The following LCTL variants were observed in gnomAD, a reference collection of about 807,000 sequenced individuals.
LCTL encodes the protein lactase like.
LCTL carries 76 observed loss-of-function variants against 75.8 expected under a neutral mutation model. The observed-to-expected ratio is 1.00, with a 90% CI of 0.83 to 1.21. The LOEUF is 1.21. Ranked by LOEUF, LCTL falls within the 50% of genes most tolerant of loss-of-function variation. The pLI, the probability that LCTL is intolerant of heterozygous loss-of-function variation, is 0.00. For missense variants in LCTL, 670 were observed against 712.4 expected (o/e 0.94, Z 0.68); for synonymous variants, 271 against 268.8 (o/e 1.01, Z -0.08).
At chr15:66,557,198 A>G (rs752789667) in intron 8 of LCTL, among the ~76,000 whole-genome samples, 21 of 152,144 alleles carry the variant, frequency 1.4e-4, no homozygotes, top group Non-Finnish European at 8.8e-5. Context: ...CTCAGGTGAG[A>G]TGATAAATTC....
intron 11 of LCTL, among the ~76,000 whole-genome samples, chr15:66,550,749 G>T (rs913853508): frequency 3.9e-5 from 6 of 152,046 alleles, no homozygotes; most frequent in African/African-American, 1.4e-4. Flanking sequence ...AAGGTGCTGG[G>T]GTTACAGGCA....
chr15:66,564,756 C>A (rs202220021), exon 2 of LCTL: 1 of 1,613,832 alleles, frequency 6.2e-7, no homozygotes, highest in South Asian at 1.1e-5. Context: ...TGTGTGAAGA[C>A]GTCCCAGATG....
chr15:66,552,181 T>C lies in LCTL; in HGVS notation c.1198-12A>G. 1.9e-6 allele frequency: 3 copies of C among 1,600,960 alleles called. No individual in the cohort carries two copies. The highest frequency in any genetic ancestry group is 8.5e-7 in the Non-Finnish European group (1 of 1,176,580). Reference sequence around the variant, plus strand: ...TCACCGTATTGAGTCTGAAAGTGAGTCATAGCAACAAATATCTTAAAAATT... The same window carrying C: ...TCACCGTATTGAGTCTGAAAGTGAGCCATAGCAACAAATATCTTAAAAATT... On this transcript the variant is annotated splice_polypyrimidine_tract_variant and intron_variant, in intron 9 of 12. Coordinates refer to ENST00000341509, the Ensembl canonical transcript of LCTL.
exon 2 of LCTL, chr15:66,564,679 G>C (rs756845825): frequency 6.2e-7 from 1 of 1,611,716 alleles, no homozygotes; most frequent in South Asian, 1.1e-5. Flanking sequence ...CACTCACCTG[G>C]ACCTTGTAGT....
At chr15:66,564,035 C>T in intron 2 of LCTL, 37 bp from the exon 4 acceptor site, 1 of 1,412,242 alleles carries the variant, frequency 7.1e-7, no homozygotes, top group Non-Finnish European at 1.0e-6. Flanking sequence ...GTCACCTGGG[C>T]CCTGGGTATG....
At chr15:66,548,763 T>C (rs1018839558) in intron 12 of LCTL, 158 bp from the exon 14 acceptor site, 1 of 454,384 alleles carries the variant, frequency 2.2e-6, no homozygotes, top group African/African-American at 2.0e-5. Context: ...CTTAGTAAAT[T>C]AAATGTTATT....
At chr15:66,560,043 C>T (rs1400384192) in intron 6 of LCTL, among the ~76,000 whole-genome samples, 1 of 151,946 alleles carries the variant, frequency 6.6e-6, no homozygotes, top group Non-Finnish European at 1.5e-5. Flanking sequence ...GCCGAGATCA[C>T]GCCGCTTCAC....
intron 9 of LCTL, among the ~76,000 whole-genome samples, chr15:66,552,667 CAAA>C (rs752480803): frequency 0.029 from 1,564 of 53,060 alleles, 17 homozygotes; most frequent in African/African-American, 0.075. Flanking sequence ...GAGACTGTCT[CAAA>C]AAAAAAAAAA....
exon 1 of LCTL, chr15:66,565,442 C>T: frequency 1.0e-6 from 1 of 962,092 alleles, no homozygotes; most frequent in Non-Finnish European, 1.6e-6. Context: ...ATGGCCAGGT[C>T]TTGGCTTAGG....
At chr15:66,561,312 G>T in exon 5 of LCTL, 1 of 1,614,242 alleles carries the variant, frequency 6.2e-7, no homozygotes. Context: ...TTGACCTGGA[G>T]CAGCTGTGAA....
chr15:66,556,991 G>A (rs984253655), intron 8 of LCTL, among the ~76,000 whole-genome samples: 1 of 152,172 alleles, frequency 6.6e-6, no homozygotes, highest in Admixed American at 6.5e-5. Context: ...TATTATGACA[G>A]AGTGATTCCC....
chr15:66,562,714 G>T (rs1204647334), intron 4 of LCTL, among the ~76,000 whole-genome samples: 1 of 151,914 alleles, frequency 6.6e-6, no homozygotes, highest in African/African-American at 2.4e-5. Flanking sequence ...CTCCCAAGTA[G>T]CTGGGATTAT....
In LCTL at chr15:66,551,690, A is replaced by G. The variant is rs755271929; in HGVS notation, c.1496T>C (p.Ile499Thr). ...TCTTGGATTGGGAAACCCATTGGCA[A>G]TGATAATCTTCTTGTAATATTGAAC... The change falls in exon 11 of 13, where the codon ATT becomes ACT. Residue 499 changes from isoleucine (I) to threonine (T), a missense_variant. Coordinates refer to ENST00000341509, the Ensembl canonical transcript of LCTL. 20 of 1,614,108 alleles carry G rather than the reference A, an allele frequency of 1.2e-5. No homozygotes were observed. The highest frequency in any genetic ancestry group is 1.7e-5 in the Non-Finnish European group (20 of 1,179,990).
At chr15:66,563,386 C>T (rs1895942125) in intron 4 of LCTL, 130 bp downstream of exon 5, 2 of 577,342 alleles carry the variant, frequency 3.5e-6, no homozygotes, top group South Asian at 2.4e-5. Flanking sequence ...CACTCACTCG[C>T]ATCTTATAGT....
chr15:66,550,117 C>A lies in LCTL; in HGVS notation c.1525-13G>T. On this transcript the variant is annotated splice_polypyrimidine_tract_variant and intron_variant, in intron 11 of 12. Coordinates refer to ENST00000341509, the Ensembl canonical transcript of LCTL. Reference sequence around the variant, plus strand: ...ACCAACTTTCCACCTAATAAAAACCCACTTGATAAGTAATGTTGTCTTAGA... The same window carrying A: ...ACCAACTTTCCACCTAATAAAAACCAACTTGATAAGTAATGTTGTCTTAGA... 6.4e-7 allele frequency: 1 copy of A among 1,573,630 alleles called. No homozygotes were observed. The highest frequency in any genetic ancestry group is 8.7e-7 in the Non-Finnish European group (1 of 1,156,010).
At chr15:66,550,056 G>C in exon 12 of LCTL, 2 of 1,604,032 alleles carry the variant, frequency 1.2e-6, no homozygotes, top group Non-Finnish European at 1.7e-6. Flanking sequence ...GCAAGCATCT[G>C]ATTGTTGATA....
chr15:66,560,570 T>C (rs1364442695), intron 6 of LCTL, among the ~76,000 whole-genome samples: 4 of 152,184 alleles, frequency 2.6e-5, no homozygotes, highest in Admixed American at 2.6e-4. Flanking sequence ...GCTTCCAAAC[T>C]AGTTTTCCTT....
chr15:66,555,568 A>G (rs1343820071), intron 8 of LCTL, among the ~76,000 whole-genome samples: 1 of 152,052 alleles, frequency 6.6e-6, no homozygotes, highest in Non-Finnish European at 1.5e-5. Context: ...AAGAAAGAAA[A>G]AGAAAACATA....
chr15:66,562,244 A>G (rs1270097542), intron 4 of LCTL, among the ~76,000 whole-genome samples: 1 of 152,024 alleles, frequency 6.6e-6, no homozygotes, highest in Non-Finnish European at 1.5e-5. Flanking sequence ...CTTTACTAAA[A>G]ATACAAAAAT....
Sources: gnomAD v4.1 joint callset for allele counts (sites outside exome capture counted in the v4.1 genomes callset) on GRCh38, gnomAD v4.1.1 for gene constraint, MANE v1.5 for transcripts, NCBI Gene and HGNC (gene_info 2026-07-23, HGNC 2026-07-21) for gene names.